Variants in EDA observed in about 807,000 individuals in gnomAD.
EDA encodes the protein ectodysplasin-A.
Under a neutral mutation model 23.6 loss-of-function variants are expected in EDA, and 2 were observed. That is an observed-to-expected ratio of 0.08 (90% confidence interval 0.03 to 0.27). The LOEUF is 0.27. EDA is among the 10% of genes least tolerant of loss of function. EDA has a pLI of 1.00. For synonymous variants in EDA, 131 were observed against 132.0 expected (o/e 0.99, Z 0.05); for missense variants, 229 against 324.2 (o/e 0.71, Z 2.26).
At chrX:69,964,865 A>G (rs971223222) in intron 2 of EDA, among the ~76,000 whole-genome samples, 22 of 111,828 alleles carry the variant, frequency 2.0e-4, no homozygotes, top group African/African-American at 6.5e-4. Flanking sequence ...TTCAGTCTCA[A>G]AGATAAGGAA....
intron 1 of EDA, among the ~76,000 whole-genome samples, chrX:69,775,307 T>A (rs1384150613): frequency 9.0e-6 from 1 of 111,634 alleles, no homozygotes; most frequent in African/African-American, 3.3e-5. Flanking sequence ...ATCCTTTTAA[T>A]CTGTTTTCAT....
intron 1 of EDA, among the ~76,000 whole-genome samples, chrX:69,639,231 G>T (rs1932813063): frequency 2.7e-5 from 3 of 111,682 alleles, no homozygotes; most frequent in African/African-American, 9.8e-5. Flanking sequence ...GAACATGGGT[G>T]TACACATTTT....
chrX:69,719,715 T>C (rs888324279), intron 1 of EDA, among the ~76,000 whole-genome samples: 20 of 102,670 alleles, frequency 1.9e-4, no homozygotes, highest in Non-Finnish European at 3.4e-4. Context: ...TATTCCGTTA[T>C]ACACACACAC....
chrX:69,858,347 A>G (rs1212291481), intron 1 of EDA, among the ~76,000 whole-genome samples: 1 of 112,113 alleles, frequency 8.9e-6, no homozygotes, highest in Non-Finnish European at 1.9e-5. Flanking sequence ...CCCATTAAGT[A>G]TATTGGCTGT....
chrX:69,676,032 T>C (rs945310075), intron 1 of EDA, among the ~76,000 whole-genome samples: 11 of 110,266 alleles, frequency 1.0e-4, no homozygotes, highest in African/African-American at 3.6e-4. Flanking sequence ...GTTCCAGAAA[T>C]AGCAACATGG....
chrX:69,727,916 A>G (rs1392664539), intron 1 of EDA, among the ~76,000 whole-genome samples: 2 of 111,414 alleles, frequency 1.8e-5, no homozygotes, highest in East Asian at 2.8e-4. Flanking sequence ...TTGATGTACT[A>G]TGTGCCAGGC....
intron 1 of EDA, among the ~76,000 whole-genome samples, chrX:69,889,011 T>G (rs1301479142): frequency 2.6e-5 from 2 of 75,498 alleles, no homozygotes; most frequent in African/African-American, 4.7e-5. Flanking sequence ...TATATATATA[T>G]ATATATATAT....
In EDA at chrX:70,032,489, A is replaced by G. The variant is rs778171759; in HGVS notation, c.794-909A>G. Among the ~76,000 whole-genome samples, 3 of 111,522 alleles carry G rather than the reference A, an allele frequency of 2.7e-5. No homozygotes were observed. The South Asian group carries it at 1.1e-3, about 42-fold the overall frequency. On this transcript the variant is annotated intron_variant, in intron 6 of 7. Coordinates refer to ENST00000374552, the MANE Select transcript of EDA (RefSeq NM_001399.5). The stretch of plus-strand genomic sequence containing the variant: ...TTATAAAATATAATTTCTTGGGTGC[A>G]GGATGGATGGCTTAGAGGGGAAAAG...
intron 1 of EDA, among the ~76,000 whole-genome samples, chrX:69,698,675 C>T (rs181699060): frequency 1.5e-3 from 164 of 111,129 alleles, no homozygotes; most frequent in African/African-American, 5.2e-3. Context: ...TTTTTGTCCA[C>T]GACTGCCGGG....
chrX:69,905,043 C>A (rs1160083553), intron 1 of EDA, among the ~76,000 whole-genome samples: 2 of 112,156 alleles, frequency 1.8e-5, no homozygotes, highest in Non-Finnish European at 3.8e-5. Context: ...CACATATACC[C>A]AACAGTGAGA....
At chrX:69,809,950 G>A (rs772003813) in intron 1 of EDA, among the ~76,000 whole-genome samples, 2 of 110,579 alleles carry the variant, frequency 1.8e-5, no homozygotes, top group Non-Finnish European at 3.8e-5. Flanking sequence ...TTTAGTTATT[G>A]TTTCCTCCTC....
At chrX:69,829,835 T>G (rs1216200097) in intron 1 of EDA, among the ~76,000 whole-genome samples, 1 of 112,150 alleles carries the variant, frequency 8.9e-6, no homozygotes, top group Non-Finnish European at 1.9e-5. Context: ...TTAGAAATAA[T>G]TTCATTCATT....
intron 1 of EDA, among the ~76,000 whole-genome samples, chrX:69,764,234 C>CTTTT (rs1189179243): frequency 0.017 from 764 of 44,530 alleles, 143 homozygotes; most frequent in East Asian, 0.03. Flanking sequence ...ATTTTTTATT[C>CTTTT]TTTTTTTTTT....
intron 1 of EDA, among the ~76,000 whole-genome samples, chrX:69,869,969 C>T (rs182108137): frequency 1.1e-4 from 12 of 111,744 alleles, no homozygotes. Flanking sequence ...AGGCATCAGT[C>T]AAGGGTATAG....
intron 1 of EDA, among the ~76,000 whole-genome samples, chrX:69,654,571 G>T (rs1342972619): frequency 8.9e-6 from 1 of 111,909 alleles, no homozygotes; most frequent in Non-Finnish European, 1.9e-5. Context: ...CGATAGACTG[G>T]ATTAAGGAAA....
At chrX:69,785,423 G>A (rs779777594) in intron 1 of EDA, among the ~76,000 whole-genome samples, 78 of 98,906 alleles carry the variant, frequency 7.9e-4, no homozygotes, top group African/African-American at 2.4e-3. Flanking sequence ...GATATTGGCT[G>A]TGGGTTTGTC....
At chrX:69,728,186 G>A (rs1362562798) in intron 1 of EDA, among the ~76,000 whole-genome samples, 4 of 108,634 alleles carry the variant, frequency 3.7e-5, no homozygotes, top group African/African-American at 1.3e-4. Flanking sequence ...GGAGGTTTCG[G>A]TGAGCTGTCA....
intron 1 of EDA, among the ~76,000 whole-genome samples, chrX:69,843,461 C>T (rs1206597937): frequency 9.0e-6 from 1 of 111,711 alleles, no homozygotes; most frequent in Non-Finnish European, 1.9e-5. Context: ...TCTATCTGAC[C>T]ATTTCCCTCT....
chrX:69,664,499 A>G (rs1442835817), intron 1 of EDA, among the ~76,000 whole-genome samples: 1 of 111,758 alleles, frequency 8.9e-6, no homozygotes, highest in East Asian at 2.8e-4. Flanking sequence ...TCCTTTATAA[A>G]TTACTCGTCC....
Sources: allele counts gnomAD v4.1 joint callset (sites outside exome capture counted in the v4.1 genomes callset), GRCh38; gene constraint gnomAD v4.1.1; transcripts MANE v1.5; gene names NCBI Gene and HGNC (gene_info 2026-07-23, HGNC 2026-07-21).